Variants in IGF1R observed in about 807,000 individuals in gnomAD.
The protein encoded by IGF1R is insulin like growth factor 1 receptor.
Under a neutral mutation model 144.6 loss-of-function variants are expected in IGF1R, and 44 were observed. The ratio of observed to expected loss-of-function variants is 0.30; its 90% CI spans 0.24 to 0.39. The LOEUF (loss-of-function observed/expected upper bound fraction) is 0.39, where lower values mean the gene tolerates loss of function less well. IGF1R is among the 10% of genes least tolerant of loss of function. IGF1R has a pLI of 1.00. For missense variants in IGF1R, 1,355 were observed against 1,833.7 expected, an observed-to-expected ratio of 0.74 and a Z score of 4.77; for synonymous variants, 795 against 722.8, an observed-to-expected ratio of 1.10 and a Z score of -1.60.
intron 18 of IGF1R, among the ~76,000 whole-genome samples, chr15:98,942,270 T>C (rs1304740504): frequency 1.3e-5 from 2 of 152,186 alleles, no homozygotes; most frequent in Non-Finnish European, 2.9e-5. Context: ...AAATGACCAG[T>C]GGTCTCTGCA....
chr15:98,663,354 C>G (rs182959955), intron 1 of IGF1R, among the ~76,000 whole-genome samples: 53 of 152,292 alleles, frequency 3.5e-4, no homozygotes, highest in African/African-American at 1.2e-3. Flanking sequence ...ATGGAGAGAG[C>G]TAGGGGAGAG....
At chr15:98,877,952 G>C (rs2013146773) in intron 2 of IGF1R, among the ~76,000 whole-genome samples, 1 of 152,202 alleles carries the variant, frequency 6.6e-6, no homozygotes, top group Non-Finnish European at 1.5e-5. Context: ...GTGTGGCAGG[G>C]GCTTTTGCGT....
In IGF1R at chr15:98,891,708, C is replaced by A; in HGVS notation, c.953+71C>A. 1 of 1,474,668 alleles carries A rather than the reference C, an allele frequency of 6.8e-7. No homozygotes were observed. 91.3% of individuals were successfully genotyped at this position (1,474,668 alleles called of 1,614,324 possible). A position where few individuals can be genotyped will look rare whatever the true frequency, so the allele number is the denominator to read the frequency against. On this transcript the variant is annotated intron_variant, in intron 3 of 20. Transcript: ENST00000650285. The surrounding 1 kb of genome is among the most constrained non-coding windows in gnomAD (Gnocchi z 4.7). ...CGCCACCCTAGCACACAAAGGTAGA[C>A]TCTGTCGGTTGTTTCATCCGGGTGC...
chr15:98,944,565 A>G (rs62023652), intron 19 of IGF1R, among the ~76,000 whole-genome samples: 22,454 of 152,258 alleles, frequency 0.15, 2,174 homozygotes, highest in Non-Finnish European at 0.22. Flanking sequence ...GTCCCTCTCA[A>G]AAGAATGGAA....
At chr15:98,896,674 A>G (rs770703365) in intron 3 of IGF1R, 83 bp from the exon 4 acceptor site, 102 of 1,394,494 alleles carry the variant, frequency 7.3e-5, no homozygotes, top group Non-Finnish European at 9.7e-5. Flanking sequence ...ATAACAATGA[A>G]AAGCATATCC....
intron 2 of IGF1R, among the ~76,000 whole-genome samples, chr15:98,822,305 A>G (rs1238195793): frequency 6.6e-6 from 1 of 152,154 alleles, no homozygotes; most frequent in African/African-American, 2.4e-5. Flanking sequence ...GTGTATACTC[A>G]TCTCTTTGTG....
chr15:98,936,859 C>T lies in IGF1R; in HGVS notation c.3297+1433C>T, dbSNP rs114698747. 4.2e-3 allele frequency among the ~76,000 whole-genome samples: 642 copies of T among 152,222 alleles called. 7 individuals are homozygous for T. Among genetic ancestry groups the T allele is most frequent in the African/African-American group, 0.015 (612 of 41,552 alleles). On this transcript the variant is annotated intron_variant, in intron 17 of 20. Coordinates refer to ENST00000650285, the MANE Select transcript of IGF1R (RefSeq NM_000875.5). ...AGTGCCTCTTCCTGGTTCACTCACT[C>T]ACTTTCTCTGGCCCTCTCTGTGTCT... is the stretch of plus-strand genomic sequence containing the variant.
intron 2 of IGF1R, among the ~76,000 whole-genome samples, chr15:98,726,936 G>T (rs895015541): frequency 3.3e-5 from 5 of 151,836 alleles, no homozygotes; most frequent in African/African-American, 1.2e-4. Context: ...GGCCAGGCAG[G>T]TCTCGAACTC....
chr15:98,742,041 A>T (rs2054757841), intron 2 of IGF1R, among the ~76,000 whole-genome samples: 1 of 152,192 alleles, frequency 6.6e-6, no homozygotes, highest in African/African-American at 2.4e-5. Flanking sequence ...GAGGCAAGGG[A>T]ACTTGACTTA....
chr15:98,843,771 T>A (rs1252392996), intron 2 of IGF1R, among the ~76,000 whole-genome samples: 1 of 152,178 alleles, frequency 6.6e-6, no homozygotes, highest in African/African-American at 2.4e-5. Context: ...GATTGTTTTT[T>A]GTTTCACCAT....
intron 2 of IGF1R, among the ~76,000 whole-genome samples, chr15:98,717,872 C>T (rs1409565118): frequency 6.6e-6 from 1 of 152,178 alleles, no homozygotes; most frequent in Non-Finnish European, 1.5e-5. Flanking sequence ...CTTTAGGTCT[C>T]ACATAGGTAG....
chr15:98,721,912 T>C (rs2054255236), intron 2 of IGF1R, among the ~76,000 whole-genome samples: 1 of 152,190 alleles, frequency 6.6e-6, no homozygotes, highest in African/African-American at 2.4e-5. Context: ...ATCATTCTTA[T>C]TCATGTCAGT....
rs1272085017 is a variant in IGF1R at position 98,959,641 on chromosome 15, TGTTTC to T, written c.*2200_*2204del. ...TCCTTGGGGCCCAGGGGTCTTGTCT[TGTTTC>T]ATTTTTAGCACTTCTCACCAGAGAG... On this transcript the variant is annotated 3_prime_UTR_variant, in exon 21 of 21. Coordinates refer to ENST00000650285, the MANE Select transcript of IGF1R (RefSeq NM_000875.5). 4.3e-6 allele frequency: 1 copy of T among 233,550 alleles called. No homozygotes were observed. The highest frequency in any genetic ancestry group is 8.5e-6 in the Non-Finnish European group (1 of 118,012). The allele number at this position is 233,550 out of a possible 1,614,324, so 14.5% of individuals were successfully genotyped here. A position where few individuals can be genotyped will look rare whatever the true frequency, so the allele number is the denominator to read the frequency against.
intron 10 of IGF1R, among the ~76,000 whole-genome samples, chr15:98,917,402 G>A (rs1487376237): frequency 6.6e-6 from 1 of 152,224 alleles, no homozygotes; most frequent in East Asian, 1.9e-4. Flanking sequence ...AGCAGTGTAG[G>A]GCGACAGCCT....
At chr15:98,740,251 G>A (rs948818495) in intron 2 of IGF1R, among the ~76,000 whole-genome samples, 4 of 152,182 alleles carry the variant, frequency 2.6e-5, no homozygotes, top group African/African-American at 9.7e-5. Context: ...ACACCTCTGT[G>A]CATGGCTAAT....
At chr15:98,730,327 A>G (rs2054469036) in intron 2 of IGF1R, among the ~76,000 whole-genome samples, 1 of 152,178 alleles carries the variant, frequency 6.6e-6, no homozygotes, top group African/African-American at 2.4e-5. Flanking sequence ...GTGTTTTGAA[A>G]TCACTTCTTG....
intron 2 of IGF1R, among the ~76,000 whole-genome samples, chr15:98,725,930 C>G (rs1442517588): frequency 6.6e-6 from 1 of 152,178 alleles, no homozygotes; most frequent in East Asian, 1.9e-4. Context: ...GAAAGACCAG[C>G]CCTCATGATT....
intron 1 of IGF1R, among the ~76,000 whole-genome samples, chr15:98,666,823 T>TA (rs2052753716): frequency 1.3e-5 from 2 of 152,188 alleles, no homozygotes; most frequent in Admixed American, 6.5e-5. Context: ...GGTGGATGGT[T>TA]ACGGTGGTTG....
intron 2 of IGF1R, among the ~76,000 whole-genome samples, chr15:98,880,312 T>A (rs571772559): frequency 3.1e-4 from 47 of 152,332 alleles, no homozygotes; most frequent in South Asian, 8.3e-4. Context: ...AAACCTCTAT[T>A]TAATAATGAT....
Sources: gnomAD v4.1 joint callset for allele counts (sites outside exome capture counted in the v4.1 genomes callset) on GRCh38, gnomAD v4.1.1 for gene constraint, Gnocchi (gnomAD v3.1) non-coding constraint, MANE v1.5 for transcripts, NCBI Gene and HGNC (gene_info 2026-07-23, HGNC 2026-07-21) for gene names.